Variants in CNTN5 observed in about 807,000 individuals in gnomAD.
CNTN5 encodes contactin 5, also known as contactin-5.
In CNTN5, 77 loss-of-function variants were observed where a neutral mutation model predicts 129.1. The observed-to-expected ratio is 0.60, with a 90% CI of 0.50 to 0.72. The LOEUF (loss-of-function observed/expected upper bound fraction) is 0.72. Among genes scored for constraint, CNTN5 ranks in the 30% least tolerant of loss-of-function variants. The pLI, the probability that CNTN5 is intolerant of heterozygous loss-of-function variation, is 0.00. For synonymous variants in CNTN5, 509 were observed against 465.6 expected (o/e 1.09, Z -1.20); for missense variants, 1,478 against 1,328.8 (o/e 1.11, Z -1.75).
At chr11:99,346,643 G>T (rs551968764) in intron 2 of CNTN5, among the ~76,000 whole-genome samples, 1 of 152,300 alleles carries the variant, frequency 6.6e-6, no homozygotes, top group African/African-American at 2.4e-5. Context: ...CTGAATGTTT[G>T]CATTTCTCCA....
At position 99,799,335 on chromosome 11, in the gene CNTN5, A is replaced by AG. The variant is rs141626653; in HGVS notation, c.56-20205dup. Among the ~76,000 whole-genome samples the AG allele has an allele frequency of 6.7e-3, 1,019 of 151,878 alleles. 11 individuals are homozygous for AG. Among genetic ancestry groups the AG allele is most frequent in the African/African-American group, 0.023 (973 of 41,444 alleles). The stretch of plus-strand genomic sequence containing the variant: ...CATCCTTATTTTATCTCAGTTCTCA[A>AG]GGGGAATGCTTCTAGTTTTTGGCTG... On this transcript the variant is annotated intron_variant, in intron 3 of 24. Coordinates refer to ENST00000524871, the MANE Select transcript of CNTN5 (RefSeq NM_014361.4).
chr11:100,289,605 T>C (rs1381071520), intron 18 of CNTN5, among the ~76,000 whole-genome samples: 3 of 152,132 alleles, frequency 2.0e-5, no homozygotes, highest in Non-Finnish European at 4.4e-5. Context: ...TGATGGGACG[T>C]ATCTCAAAAT....
chr11:99,379,496 G>T (rs759639240), intron 2 of CNTN5, among the ~76,000 whole-genome samples: 2 of 151,900 alleles, frequency 1.3e-5, no homozygotes, highest in African/African-American at 4.8e-5. Context: ...AAATATAATC[G>T]ATATGACATG....
chr11:99,995,191 A>G (rs1287386498), intron 8 of CNTN5, among the ~76,000 whole-genome samples: 1 of 152,190 alleles, frequency 6.6e-6, no homozygotes, highest in Non-Finnish European at 1.5e-5. Flanking sequence ...CAGTAAACTG[A>G]TTAGAAAAAT....
At chr11:100,040,631 C>T (rs1472494665) in intron 9 of CNTN5, among the ~76,000 whole-genome samples, 1 of 152,220 alleles carries the variant, frequency 6.6e-6, no homozygotes, top group Non-Finnish European at 1.5e-5. Flanking sequence ...GTTGGAGCTT[C>T]CTGGCCGCTT....
chr11:100,272,555 A>G (rs945222333), intron 18 of CNTN5, among the ~76,000 whole-genome samples: 4 of 152,062 alleles, frequency 2.6e-5, no homozygotes, highest in African/African-American at 9.7e-5. Context: ...AAAAATCCCA[A>G]GATGGCCCAC....
chr11:99,701,234 A>G (rs1308771335), intron 3 of CNTN5, among the ~76,000 whole-genome samples: 1 of 151,306 alleles, frequency 6.6e-6, no homozygotes, highest in East Asian at 1.9e-4. Context: ...TGAGCTTCAT[A>G]AGGAAATAGG....
intron 8 of CNTN5, among the ~76,000 whole-genome samples, chr11:99,995,403 A>C (rs1214979511): frequency 6.6e-6 from 1 of 152,160 alleles, no homozygotes; most frequent in Non-Finnish European, 1.5e-5. Flanking sequence ...TTTTCCATCT[A>C]AACTTATCCA....
chr11:99,169,161 T>C (rs1435829739), intron 1 of CNTN5, among the ~76,000 whole-genome samples: 2 of 152,200 alleles, frequency 1.3e-5, no homozygotes, highest in Non-Finnish European at 2.9e-5. Context: ...AGAACACAGA[T>C]ACATGTACTT....
At chr11:99,984,603 A>C (rs1419824542) in intron 8 of CNTN5, among the ~76,000 whole-genome samples, 1 of 152,022 alleles carries the variant, frequency 6.6e-6, no homozygotes, top group Non-Finnish European at 1.5e-5. Flanking sequence ...AAATGTTTTT[A>C]TAAGATACAA....
chr11:99,527,558 C>T (rs990771680), intron 2 of CNTN5, among the ~76,000 whole-genome samples: 1 of 152,078 alleles, frequency 6.6e-6, no homozygotes, highest in Non-Finnish European at 1.5e-5. Flanking sequence ...AATAGAGCAA[C>T]TTCTCCCTTT....
chr11:99,060,916 T>G (rs1864849000), intron 1 of CNTN5, among the ~76,000 whole-genome samples: 1 of 152,030 alleles, frequency 6.6e-6, no homozygotes, highest in Non-Finnish European at 1.5e-5. Context: ...GCATCCTGAC[T>G]CATGTCTTCC....
chr11:99,319,784 T>G (rs1435848186), intron 1 of CNTN5, among the ~76,000 whole-genome samples: 2 of 152,128 alleles, frequency 1.3e-5, no homozygotes, highest in African/African-American at 4.8e-5. Context: ...GAAGAAAACT[T>G]TGAAGTAGGC....
chr11:99,842,349 C>T (rs953823127), intron 4 of CNTN5, among the ~76,000 whole-genome samples: 1 of 152,184 alleles, frequency 6.6e-6, no homozygotes, highest in Non-Finnish European at 1.5e-5. Flanking sequence ...AATTATACTA[C>T]AAGTAAATAT....
intron 13 of CNTN5, among the ~76,000 whole-genome samples, chr11:100,101,588 T>C (rs1316018859): frequency 6.6e-6 from 1 of 152,118 alleles, no homozygotes; most frequent in Non-Finnish European, 1.5e-5. Context: ...TTTTAATTTT[T>C]TAATTTCAAT....
chr11:99,305,144 C>G (rs1864817593), intron 1 of CNTN5, among the ~76,000 whole-genome samples: 1 of 152,148 alleles, frequency 6.6e-6, no homozygotes, highest in Non-Finnish European at 1.5e-5. Context: ...AGCAAGCAAA[C>G]TGTGTTACCC....
chr11:99,915,934 T>C lies in CNTN5; in HGVS notation c.578-120T>C. ...ATATATGTTAAAGCCTTCTTGTCAC[T>C]GATTAACAAACAAAAGACACCTTGT... On this transcript the variant is annotated intron_variant, in intron 6 of 24. Transcript: ENST00000524871. The C allele has an allele frequency of 6.9e-6, 5 of 724,804 alleles. No individual in the cohort carries two copies. The Admixed American group carries it at 7.2e-5, about 10-fold the overall frequency. 44.9% of individuals were successfully genotyped at this position (724,804 alleles called of 1,614,324 possible).
chr11:99,980,022 A>G (rs1290205626), intron 8 of CNTN5, among the ~76,000 whole-genome samples: 1 of 152,216 alleles, frequency 6.6e-6, no homozygotes, highest in Non-Finnish European at 1.5e-5. Flanking sequence ...AGTAAACCCC[A>G]TATAAGTATT....
chr11:99,442,582 G>A (rs1943881128), intron 2 of CNTN5, among the ~76,000 whole-genome samples: 1 of 152,110 alleles, frequency 6.6e-6, no homozygotes, highest in South Asian at 2.1e-4. Flanking sequence ...TTTTAATCTT[G>A]ATTATTTGGT....
Sources: gnomAD v4.1 joint callset for allele counts (sites outside exome capture counted in the v4.1 genomes callset) on GRCh38, gnomAD v4.1.1 for gene constraint, MANE v1.5 for transcripts, NCBI Gene and HGNC (gene_info 2026-07-23, HGNC 2026-07-21) for gene names.